CORO2A: variants seen among roughly 807,000 people sequenced by gnomAD.
CORO2A encodes the protein coronin-2A.
A neutral mutation model predicts 62.4 loss-of-function variants in CORO2A; 47 were observed. That is an observed-to-expected ratio of 0.75 (90% CI 0.60 to 0.96). The LOEUF (loss-of-function observed/expected upper bound fraction) is 0.96. Ranked by LOEUF, CORO2A falls within the 40% of genes least tolerant of loss-of-function variation. The pLI, the probability that CORO2A is intolerant of heterozygous loss-of-function variation, is 0.00. For missense variants in CORO2A, 610 were observed against 684.1 expected, an observed-to-expected ratio of 0.89 and a Z score of 1.21; for synonymous variants, 273 against 268.9, an observed-to-expected ratio of 1.02 and a Z score of -0.15.
Position 98,123,408 on chromosome 9 carries a change from T to C in CORO2A, c.*1366A>G, listed in dbSNP as rs1419558689. On this transcript the variant is annotated 3_prime_UTR_variant, in exon 12 of 12. Coordinates refer to ENST00000375077, the MANE Select transcript of CORO2A (RefSeq NM_052820.4). ...TTGTTTTTCATACTAGCCCAACATA[T>C]AAAATAGAAGGGAGCTGTCTGGTTG... The C allele has an allele frequency of 2.0e-5, 3 of 152,028 alleles. No individual in the cohort carries two copies. Among genetic ancestry groups the C allele is most frequent in the Non-Finnish European group, 4.4e-5 (3 of 68,012 alleles). The allele number at this position is 152,028 out of a possible 1,614,324, so 9.4% of individuals were successfully genotyped here. A position where few individuals can be genotyped will look rare whatever the true frequency, so the allele number is the denominator to read the frequency against.
At chr9:98,127,614 C>A (rs990340494) in intron 10 of CORO2A, among the ~76,000 whole-genome samples, 1 of 152,054 alleles carries the variant, frequency 6.6e-6, no homozygotes, top group African/African-American at 2.4e-5. Context: ...GAGTTTGAGA[C>A]CAGCCTGGCC....
chr9:98,126,899 C>T (rs1398441398), intron 10 of CORO2A, 76 bp from the exon 11 acceptor site: 7 of 1,511,238 alleles, frequency 4.6e-6, no homozygotes, highest in Admixed American at 1.7e-5. Context: ...ATGACACAGG[C>T]AGGCATGCAG....
intron 2 of CORO2A, among the ~76,000 whole-genome samples, chr9:98,150,003 C>T (rs1271953001): frequency 6.6e-6 from 1 of 151,446 alleles, no homozygotes; most frequent in African/African-American, 2.4e-5. Flanking sequence ...GCGATCTTGA[C>T]TCACTGCAAC....
chr9:98,159,793 G>C (rs548772045), intron 1 of CORO2A, among the ~76,000 whole-genome samples: 4 of 152,034 alleles, frequency 2.6e-5, no homozygotes, highest in Admixed American at 2.6e-4. Flanking sequence ...TGCTGGCTTG[G>C]AGCTTCCTCA....
chr9:98,127,926 TA>T (rs999803231), intron 10 of CORO2A, among the ~76,000 whole-genome samples: 4 of 149,974 alleles, frequency 2.7e-5, no homozygotes, highest in Non-Finnish European at 2.9e-5. Flanking sequence ...CCCCAGAGTG[TA>T]AAGAAGCTTT....
rs186068155 is a variant in CORO2A at position 98,135,398 on chromosome 9, C to T, written c.319-443G>A. Among the ~76,000 whole-genome samples the T allele has an allele frequency of 1.9e-3, 283 of 152,276 alleles. 1 individual carries two copies. The highest frequency in any genetic ancestry group is 6.6e-3 in the African/African-American group (274 of 41,550). ...GCTGCATCCTCAGGCACTAGGGAGCCGGCGAGGTCTCTGCAGCAGGGCAGG... is the reference window on the plus strand; with the variant it reads ...GCTGCATCCTCAGGCACTAGGGAGCTGGCGAGGTCTCTGCAGCAGGGCAGG... On this transcript the variant is annotated intron_variant, in intron 3 of 11. Transcript: ENST00000375077.
At chr9:98,135,077 C>T in intron 3 of CORO2A, 122 bp from the exon 4 acceptor site, 2 of 1,284,130 alleles carry the variant, frequency 1.6e-6, no homozygotes, top group African/African-American at 1.5e-5. Flanking sequence ...CCATAGCCAC[C>T]TCCCACTCAG....
At chr9:98,179,118 A>G (rs538058457) in intron 1 of CORO2A, among the ~76,000 whole-genome samples, 24 of 152,300 alleles carry the variant, frequency 1.6e-4, no homozygotes, top group African/African-American at 5.5e-4. Flanking sequence ...CATCTGTAAA[A>G]TGGAACGAAT....
At chr9:98,190,133 C>T (rs1476338295) in intron 1 of CORO2A, among the ~76,000 whole-genome samples, 1 of 152,222 alleles carries the variant, frequency 6.6e-6, no homozygotes, top group Non-Finnish European at 1.5e-5. Flanking sequence ...GATCCGCCCA[C>T]CTTGGCCTCC....
chr9:98,173,043 C>T (rs1056381307), intron 1 of CORO2A, among the ~76,000 whole-genome samples: 2 of 152,206 alleles, frequency 1.3e-5, no homozygotes, highest in Non-Finnish European at 1.5e-5. Flanking sequence ...TGGTGGCTCA[C>T]GCTTGTAACC....
chr9:98,129,571 A>G lies in CORO2A; in HGVS notation c.967+223T>C, dbSNP rs938952704. 7.8e-4 allele frequency among the ~76,000 whole-genome samples: 119 copies of G among 151,928 alleles called. 2 individuals carry two copies. The highest frequency in any genetic ancestry group is 2.2e-4 in the Non-Finnish European group (15 of 67,976). On this transcript the variant is annotated intron_variant, in intron 8 of 11. Transcript: ENST00000375077. ...TCTGCTTCCTCTTTCAGTTCCTCCAATGTTGCCTCCTCTGAGAAGCCTTCC... is the reference window on the plus strand; with the variant it reads ...TCTGCTTCCTCTTTCAGTTCCTCCAGTGTTGCCTCCTCTGAGAAGCCTTCC...
chr9:98,148,407 A>T (rs1310475561), intron 2 of CORO2A, among the ~76,000 whole-genome samples: 1 of 150,248 alleles, frequency 6.7e-6, no homozygotes, highest in Non-Finnish European at 1.5e-5. Context: ...AAAAAAAAAA[A>T]AAATAAGATA....
chr9:98,147,338 C>T (rs1186444663), intron 2 of CORO2A, among the ~76,000 whole-genome samples: 1 of 151,120 alleles, frequency 6.6e-6, no homozygotes, highest in African/African-American at 2.4e-5. Context: ...TGGTAGGGGG[C>T]GGGGGGCAGA....
At chr9:98,190,808 C>A (rs1047481055) in intron 1 of CORO2A, among the ~76,000 whole-genome samples, 1 of 152,224 alleles carries the variant, frequency 6.6e-6, no homozygotes, top group African/African-American at 2.4e-5. Context: ...AGCACTTAAG[C>A]CTGTGCGTCG....
At chr9:98,162,992 C>T (rs1395143236) in intron 1 of CORO2A, among the ~76,000 whole-genome samples, 1 of 152,184 alleles carries the variant, frequency 6.6e-6, no homozygotes. Context: ...CACATCAAAG[C>T]CACAACAGGC....
intron 1 of CORO2A, among the ~76,000 whole-genome samples, chr9:98,191,601 T>C (rs1298915299): frequency 1.3e-5 from 2 of 151,864 alleles, no homozygotes; most frequent in Admixed American, 6.6e-5. Context: ...TCACAAGGAG[T>C]GTGCAAGGGG....
chr9:98,128,410 C>T (rs529253878), intron 9 of CORO2A, 150 bp from the exon 10 acceptor site: 7 of 786,056 alleles, frequency 8.9e-6, no homozygotes, highest in African/African-American at 6.9e-5. Context: ...CCCGAGGTCA[C>T]GCAGCAGCTC....
intron 11 of CORO2A, 77 bp from the exon 12 acceptor site, chr9:98,124,982 T>C: frequency 5.3e-6 from 8 of 1,513,564 alleles, no homozygotes; most frequent in Non-Finnish European, 7.1e-6. Context: ...TATCCCTCTT[T>C]GACTCAGAAA....
intron 11 of CORO2A, among the ~76,000 whole-genome samples, chr9:98,125,798 GC>G (rs1303107306): frequency 1.5e-5 from 2 of 132,116 alleles, no homozygotes; most frequent in Non-Finnish European, 3.1e-5. Context: ...GCTCACTGCA[GC>G]CTCTGCCTCC....
Sources: gnomAD v4.1 joint callset for allele counts (sites outside exome capture counted in the v4.1 genomes callset) on GRCh38, gnomAD v4.1.1 for gene constraint, MANE v1.5 for transcripts, NCBI Gene and HGNC (gene_info 2026-07-23, HGNC 2026-07-21) for gene names.